Variants in DLEU7 observed in about 807,000 individuals in gnomAD.
DLEU7 encodes the protein deleted in lymphocytic leukemia 7.
In DLEU7, 17 loss-of-function variants were observed where a neutral mutation model predicts 16.0. The observed-to-expected ratio is 1.06, with a 90% CI of 0.73 to 1.59. DLEU7 has a LOEUF of 1.59. Ranked by LOEUF, DLEU7 falls within the 40% of genes most tolerant of loss-of-function variation. DLEU7 has a pLI of 0.00. For synonymous variants in DLEU7, 113 were observed against 139.8 expected (o/e 0.81, Z 1.35); for missense variants, 308 against 314.9 (o/e 0.98, Z 0.17).
At chr13:50,773,781 G>A (rs938116763) in intron 1 of DLEU7, among the ~76,000 whole-genome samples, 1 of 152,220 alleles carries the variant, frequency 6.6e-6, no homozygotes, top group African/African-American at 2.4e-5. Context: ...CAAACTCCGT[G>A]CTGGGAGAAC....
chr13:50,839,027 G>C (rs976688660), intron 1 of DLEU7, among the ~76,000 whole-genome samples: 1 of 152,162 alleles, frequency 6.6e-6, no homozygotes, highest in Non-Finnish European at 1.5e-5. Flanking sequence ...CCCCGTCTTT[G>C]GTATTTTGCT....
intron 1 of DLEU7, among the ~76,000 whole-genome samples, chr13:50,829,462 C>T (rs1335352690): frequency 6.6e-6 from 1 of 152,122 alleles, no homozygotes; most frequent in Non-Finnish European, 1.5e-5. Flanking sequence ...GAATTCATCA[C>T]CCAAAGAAGA....
intron 1 of DLEU7, among the ~76,000 whole-genome samples, chr13:50,811,538 G>A (rs929877323): frequency 2.6e-5 from 4 of 152,080 alleles, no homozygotes; most frequent in South Asian, 2.1e-4. Context: ...CCTGTGAAAC[G>A]TTCCTGGCAG....
intron 1 of DLEU7, among the ~76,000 whole-genome samples, chr13:50,834,019 C>T: frequency 6.6e-6 from 1 of 152,134 alleles, no homozygotes; most frequent in East Asian, 1.9e-4. Flanking sequence ...CCCTTCCTTA[C>T]AGCTTATACA....
chr13:50,837,666 C>A (rs1202388605), intron 1 of DLEU7, among the ~76,000 whole-genome samples: 2 of 152,112 alleles, frequency 1.3e-5, no homozygotes. Context: ...TCTTTGAAGA[C>A]ACAAATCTCA....
At chr13:50,838,224 T>C (rs1314175300) in intron 1 of DLEU7, among the ~76,000 whole-genome samples, 2 of 152,182 alleles carry the variant, frequency 1.3e-5, no homozygotes, top group Non-Finnish European at 2.9e-5. Context: ...GCAAGGACTA[T>C]CAAACATGAG....
At chr13:50,757,993 A>G (rs1404172787) in intron 1 of DLEU7, among the ~76,000 whole-genome samples, 1 of 149,282 alleles carries the variant, frequency 6.7e-6, no homozygotes, top group East Asian at 2.0e-4. Context: ...TTTATACCTA[A>G]CTTGGTCCCC....
At chr13:50,811,120 C>G (rs1876549700) in intron 1 of DLEU7, among the ~76,000 whole-genome samples, 1 of 152,154 alleles carries the variant, frequency 6.6e-6, no homozygotes, top group Non-Finnish European at 1.5e-5. Flanking sequence ...AGGGAGAGCC[C>G]TACTTTTGCT....
exon 2 of DLEU7, chr13:50,712,139 T>G (rs1873311169): frequency 6.6e-6 from 1 of 152,206 alleles, no homozygotes; most frequent in African/African-American, 2.4e-5. Context: ...TGACTTTGAC[T>G]TTCAGCTGTT....
At chr13:50,774,777 A>C (rs1449297312) in intron 1 of DLEU7, among the ~76,000 whole-genome samples, 9 of 152,114 alleles carry the variant, frequency 5.9e-5, no homozygotes, top group Admixed American at 4.6e-4. Flanking sequence ...TAAGTTAAAA[A>C]AAAAATCTCT....
intron 1 of DLEU7, among the ~76,000 whole-genome samples, chr13:50,754,037 G>A (rs1373344989): frequency 6.6e-6 from 1 of 152,184 alleles, no homozygotes; most frequent in Admixed American, 6.5e-5. Flanking sequence ...GTCTGAGAGA[G>A]TGCTTGATAT....
At chr13:50,719,078 T>TC (rs1247148198) in intron 1 of DLEU7, among the ~76,000 whole-genome samples, 1 of 152,182 alleles carries the variant, frequency 6.6e-6, no homozygotes, top group Non-Finnish European at 1.5e-5. Flanking sequence ...ACATCAGCAA[T>TC]CAGCGGGTGA....
At chr13:50,759,368 C>T (rs1348510556) in intron 1 of DLEU7, among the ~76,000 whole-genome samples, 1 of 152,182 alleles carries the variant, frequency 6.6e-6, no homozygotes, top group African/African-American at 2.4e-5. Context: ...CCAATGATCT[C>T]TTAGGCCTCC....
intron 1 of DLEU7, among the ~76,000 whole-genome samples, chr13:50,798,172 T>G (rs1207474934): frequency 6.6e-6 from 1 of 152,142 alleles, no homozygotes; most frequent in East Asian, 1.9e-4. Flanking sequence ...CTGCAACCAC[T>G]CATTAATATT....
chr13:50,791,032 G>A (rs935755116), intron 1 of DLEU7, among the ~76,000 whole-genome samples: 1 of 152,122 alleles, frequency 6.6e-6, no homozygotes, highest in Non-Finnish European at 1.5e-5. Flanking sequence ...AGAAGACCGA[G>A]TGGGCGAGGG....
At chr13:50,824,816 A>G (rs770677896) in intron 1 of DLEU7, among the ~76,000 whole-genome samples, 35 of 152,236 alleles carry the variant, frequency 2.3e-4, no homozygotes, top group Non-Finnish European at 4.4e-4. Context: ...ATTGCCCTAC[A>G]ATAGTATTTG....
chr13:50,815,583 T>G (rs546520694), intron 1 of DLEU7, among the ~76,000 whole-genome samples: 1 of 152,288 alleles, frequency 6.6e-6, no homozygotes, highest in Admixed American at 6.5e-5. Flanking sequence ...CTAGCTGTAT[T>G]CTGCAAGCAG....
In DLEU7 at chr13:50,823,367, T is replaced by C. The variant is rs533907464; in HGVS notation, c.613A>G (p.Met205Val). 3 of 1,535,914 alleles carry C rather than the reference T, an allele frequency of 2.0e-6. No individual in the cohort carries two copies. The highest frequency in any genetic ancestry group is 1.4e-5 in the African/African-American group (1 of 73,156). The change falls in exon 2 of 2, where the codon ATG becomes GTG. Residue 205 changes from methionine (M) to valine (V), a missense_variant. By Grantham distance (21) the Met-to-Val change is conservative. Coordinates refer to ENST00000504404, the MANE Select transcript of DLEU7 (RefSeq NM_001306135.2). ...TGTCTCAAGGAAGCACAGGCTACCA[T>C]GTGGGCATCTGAAGGAAAATTAGCA... is the stretch of plus-strand genomic sequence containing the variant. ...SLANFPSDAH[M>V]VACASLRQIL...
chr13:50,800,596 G>T (rs1876220963), intron 1 of DLEU7, among the ~76,000 whole-genome samples: 1 of 152,038 alleles, frequency 6.6e-6, no homozygotes, highest in Non-Finnish European at 1.5e-5. Context: ...GAACCTCAGG[G>T]GTTTTCCCGC....
Sources: gnomAD v4.1 joint callset for allele counts (sites outside exome capture counted in the v4.1 genomes callset) on GRCh38, gnomAD v4.1.1 for gene constraint, MANE v1.5 for transcripts, NCBI Gene and HGNC (gene_info 2026-07-23, HGNC 2026-07-21) for gene names.